Variants in TRPM3 observed in about 807,000 individuals in gnomAD.
The protein encoded by TRPM3 is transient receptor potential cation channel subfamily M member 3.
A neutral mutation model predicts 181.2 loss-of-function variants in TRPM3; 77 were observed. The ratio of observed to expected loss-of-function variants is 0.42; its 90% confidence interval spans 0.35 to 0.51. TRPM3 has a LOEUF of 0.51. Ranked by LOEUF, TRPM3 falls within the 20% of genes least tolerant of loss-of-function variation. The pLI is 0.01. For synonymous variants in TRPM3, 745 were observed against 796.4 expected (o/e 0.94, Z 1.09); for missense variants, 1,759 against 2,196.7 (o/e 0.80, Z 3.98).
chr9:70,922,826 G>A (rs2096671445), intron 1 of TRPM3, among the ~76,000 whole-genome samples: 2 of 152,060 alleles, frequency 1.3e-5, no homozygotes, highest in Non-Finnish European at 2.9e-5. Flanking sequence ...TTGAGCTTGG[G>A]TCTCCAAAGA....
At chr9:71,434,099 C>A (rs540711520) in intron 1 of TRPM3, among the ~76,000 whole-genome samples, 1 of 152,224 alleles carries the variant, frequency 6.6e-6, no homozygotes, top group East Asian at 1.9e-4. Flanking sequence ...GTGGAGGCTG[C>A]AGTGAGCCGA....
At chr9:70,865,138 A>G (rs1341883568) in intron 1 of TRPM3, among the ~76,000 whole-genome samples, 1 of 152,016 alleles carries the variant, frequency 6.6e-6, no homozygotes, top group Non-Finnish European at 1.5e-5. Context: ...AAAAAGTAAG[A>G]TAGCACATTT....
At chr9:70,905,283 C>T (rs1195677477) in intron 1 of TRPM3, among the ~76,000 whole-genome samples, 6 of 152,202 alleles carry the variant, frequency 3.9e-5, no homozygotes, top group Non-Finnish European at 5.9e-5. Context: ...ATACCAAATA[C>T]ACATTGACAT....
chr9:70,876,675 A>C (rs2095874460), intron 1 of TRPM3, among the ~76,000 whole-genome samples: 1 of 151,840 alleles, frequency 6.6e-6, no homozygotes, highest in African/African-American at 2.4e-5. Flanking sequence ...GTAGAGTTCT[A>C]ATCTCTGAAT....
intron 1 of TRPM3, among the ~76,000 whole-genome samples, chr9:71,429,630 T>C (rs1025625422): frequency 6.6e-6 from 1 of 152,226 alleles, no homozygotes; most frequent in South Asian, 2.1e-4. Flanking sequence ...TAAAACATTT[T>C]ACGGTTCTGT....
At chr9:70,563,473 C>A (rs778375750) in intron 22 of TRPM3, among the ~76,000 whole-genome samples, 12 of 152,210 alleles carry the variant, frequency 7.9e-5, no homozygotes, top group Non-Finnish European at 1.8e-4. Context: ...GTCCTTTCCT[C>A]ATTTCTTCAC....
chr9:71,434,552 CT>C (rs2094004813), intron 1 of TRPM3, among the ~76,000 whole-genome samples: 2 of 152,128 alleles, frequency 1.3e-5, no homozygotes, highest in Non-Finnish European at 2.9e-5. Flanking sequence ...GACAGATATT[CT>C]AGGGAAAACT....
At chr9:71,342,792 TA>T (rs902682223) in intron 1 of TRPM3, among the ~76,000 whole-genome samples, 1 of 152,084 alleles carries the variant, frequency 6.6e-6, no homozygotes, top group Non-Finnish European at 1.5e-5. Flanking sequence ...TTCATAGTTG[TA>T]AAAAAATTGG....
At chr9:71,284,493 C>A (rs2085113455) in intron 1 of TRPM3, among the ~76,000 whole-genome samples, 1 of 152,216 alleles carries the variant, frequency 6.6e-6, no homozygotes, top group African/African-American at 2.4e-5. Flanking sequence ...TACAGGTTGT[C>A]TCTCAGCTCG....
chr9:70,814,057 T>C (rs918303511), intron 6 of TRPM3, among the ~76,000 whole-genome samples: 1 of 152,192 alleles, frequency 6.6e-6, no homozygotes, highest in Non-Finnish European at 1.5e-5. Context: ...TAAAAAGTAC[T>C]GTCAAGAGAA....
chr9:71,401,460 C>A (rs1026316175), intron 1 of TRPM3, among the ~76,000 whole-genome samples: 3 of 152,164 alleles, frequency 2.0e-5, no homozygotes, highest in African/African-American at 7.2e-5. Context: ...AGTAAATAAA[C>A]CCATCTGTCA....
chr9:71,144,661 T>C (rs978657710), intron 1 of TRPM3, among the ~76,000 whole-genome samples: 3 of 152,176 alleles, frequency 2.0e-5, no homozygotes, highest in African/African-American at 7.2e-5. Flanking sequence ...TAATCCTTAC[T>C]TGACATATCA....
At chr9:71,407,970 G>A (rs2093469371) in intron 1 of TRPM3, among the ~76,000 whole-genome samples, 1 of 152,180 alleles carries the variant, frequency 6.6e-6, no homozygotes, top group South Asian at 2.1e-4. Context: ...GGCCCGGAGT[G>A]GACCTCCAGC....
At chr9:70,696,360 G>C (rs1444373192) in intron 8 of TRPM3, among the ~76,000 whole-genome samples, 1 of 152,184 alleles carries the variant, frequency 6.6e-6, no homozygotes, top group Non-Finnish European at 1.5e-5. Flanking sequence ...TCCGGAGACC[G>C]ATCAGGTTTC....
chr9:71,073,390 A>G (rs539942819), intron 1 of TRPM3, among the ~76,000 whole-genome samples: 1 of 152,336 alleles, frequency 6.6e-6, no homozygotes, highest in African/African-American at 2.4e-5. Flanking sequence ...TAGTAAAAGG[A>G]AGACCAGTAG....
Position 70,924,263 on chromosome 9 carries a change from T to C in TRPM3, c.178-59752A>G, listed in dbSNP as rs573123315. Among the ~76,000 whole-genome samples, 14 of 152,264 alleles carry C rather than the reference T, an allele frequency of 9.2e-5. No homozygotes were observed. In the South Asian group the frequency reaches 1.7e-3, roughly 18 times the overall value. Reference sequence around the variant, plus strand: ...AAGGCTGATATAATACCAATATTTATTTCCTTCCTTGATTCCTCTTTCCTC... The same window carrying C: ...AAGGCTGATATAATACCAATATTTACTTCCTTCCTTGATTCCTCTTTCCTC... On this transcript the variant is annotated intron_variant, in intron 1 of 25. Coordinates refer to ENST00000677713, the MANE Select transcript of TRPM3 (RefSeq NM_001366145.2).
chr9:70,941,257 C>T (rs564440278), intron 1 of TRPM3, among the ~76,000 whole-genome samples: 10 of 152,284 alleles, frequency 6.6e-5, no homozygotes, highest in Non-Finnish European at 1.2e-4. Context: ...CAGGAGAAGA[C>T]GGAAGAGCAG....
chr9:70,617,267 C>G (rs745916162), intron 17 of TRPM3, among the ~76,000 whole-genome samples: 1 of 152,092 alleles, frequency 6.6e-6, no homozygotes, highest in Non-Finnish European at 1.5e-5. Flanking sequence ...CCGGGCTTGG[C>G]GGTCACCAGC....
chr9:70,772,241 C>A (rs1419019504), intron 7 of TRPM3, among the ~76,000 whole-genome samples: 1 of 152,024 alleles, frequency 6.6e-6, no homozygotes, highest in African/African-American at 2.4e-5. Flanking sequence ...TTTCCTTTGT[C>A]ACACTAGCCA....
Sources: allele counts gnomAD v4.1 joint callset (sites outside exome capture counted in the v4.1 genomes callset), GRCh38; gene constraint gnomAD v4.1.1; transcripts MANE v1.5; gene names NCBI Gene and HGNC (gene_info 2026-07-23, HGNC 2026-07-21).